Variants in LOC128462377 observed in about 807,000 individuals in gnomAD.
chr16:89,322,901 C>A, the LOC128462377 span, among the ~76,000 whole-genome samples: 1 of 152,182 alleles, frequency 6.6e-6, no homozygotes, highest in Non-Finnish European at 1.5e-5. Flanking sequence ...TGGAGTGCAG[C>A]GGTGTGATCA....
the LOC128462377 span, among the ~76,000 whole-genome samples, chr16:89,402,474 G>A: frequency 6.6e-6 from 1 of 152,006 alleles, no homozygotes; most frequent in Non-Finnish European, 1.5e-5. Context: ...GACTCCAAGA[G>A]TTCAAGAGCA....
At chr16:89,330,109 TTGAA>T in the LOC128462377 span, among the ~76,000 whole-genome samples, 1 of 152,238 alleles carries the variant, frequency 6.6e-6, no homozygotes, top group Non-Finnish European at 1.5e-5. Context: ...TTAAATATAC[TTGAA>T]TGACATTAAA....
the LOC128462377 span, among the ~76,000 whole-genome samples, chr16:89,367,907 G>A: frequency 6.6e-6 from 1 of 152,128 alleles, no homozygotes; most frequent in Admixed American, 6.5e-5. Flanking sequence ...CAGAGGCTGA[G>A]GTGGGAGGAT....
the LOC128462377 span, among the ~76,000 whole-genome samples, chr16:89,382,231 G>A: frequency 6.6e-6 from 1 of 152,142 alleles, no homozygotes; most frequent in Non-Finnish European, 1.5e-5. Context: ...CAGGGCAGGA[G>A]TGACCCAAGC....
the LOC128462377 span, among the ~76,000 whole-genome samples, chr16:89,318,194 C>T: frequency 2.6e-5 from 4 of 152,172 alleles, no homozygotes; most frequent in African/African-American, 7.2e-5. Flanking sequence ...TCTTCTGTGG[C>T]GATGCCAACT....
At chr16:89,381,017 G>A in the LOC128462377 span, among the ~76,000 whole-genome samples, 2 of 152,054 alleles carry the variant, frequency 1.3e-5, no homozygotes, top group African/African-American at 2.4e-5. Flanking sequence ...GTAAACAATC[G>A]ATCCAAAAAG....
the LOC128462377 span, among the ~76,000 whole-genome samples, chr16:89,415,450 G>C: frequency 6.7e-6 from 1 of 150,000 alleles, no homozygotes; most frequent in Admixed American, 6.6e-5. Context: ...ATTTTTAGTA[G>C]AGACGGGGTT....
the LOC128462377 span, among the ~76,000 whole-genome samples, chr16:89,366,785 G>A: frequency 6.6e-6 from 1 of 152,164 alleles, no homozygotes; most frequent in Non-Finnish European, 1.5e-5. Context: ...TCCCACTTCC[G>A]GGGGCACCCA....
At chr16:89,381,414 A>G in the LOC128462377 span, among the ~76,000 whole-genome samples, 2 of 151,882 alleles carry the variant, frequency 1.3e-5, no homozygotes, top group African/African-American at 4.8e-5. Context: ...AGAAACTCCC[A>G]GACACCAACA....
the LOC128462377 span, among the ~76,000 whole-genome samples, chr16:89,350,639 T>C: frequency 1.3e-5 from 2 of 152,182 alleles, no homozygotes; most frequent in African/African-American, 4.8e-5. Context: ...GTCCAGGAAA[T>C]AGGATGACAT....
the LOC128462377 span, among the ~76,000 whole-genome samples, chr16:89,402,211 C>A: frequency 6.6e-6 from 1 of 152,156 alleles, no homozygotes; most frequent in African/African-American, 2.4e-5. Flanking sequence ...GCCCTTCCAA[C>A]AAAGGCAGGC....
chr16:89,361,470 C>G, the LOC128462377 span: 1 of 152,276 alleles, frequency 6.6e-6, no homozygotes, highest in Admixed American at 6.5e-5. Flanking sequence ...TTGTGCCAGT[C>G]CACCTGTTTA....
chr16:89,364,231 C>G, the LOC128462377 span, among the ~76,000 whole-genome samples: 1 of 152,232 alleles, frequency 6.6e-6, no homozygotes, highest in Non-Finnish European at 1.5e-5. Context: ...TGGGGGCCCA[C>G]ACAGACTGAA....
the LOC128462377 span, among the ~76,000 whole-genome samples, chr16:89,399,523 G>A: frequency 6.6e-6 from 1 of 152,190 alleles, no homozygotes; most frequent in African/African-American, 2.4e-5. Flanking sequence ...ACGGAGGGAT[G>A]TGCAGCAGGA....
the LOC128462377 span, among the ~76,000 whole-genome samples, chr16:89,339,272 G>C: frequency 6.6e-6 from 1 of 152,256 alleles, no homozygotes; most frequent in South Asian, 2.1e-4. Flanking sequence ...TTAGGCAATA[G>C]AACGACCTAG....
At chr16:89,400,957 C>T in the LOC128462377 span, among the ~76,000 whole-genome samples, 1 of 152,214 alleles carries the variant, frequency 6.6e-6, no homozygotes, top group Non-Finnish European at 1.5e-5. Context: ...AGACACATCC[C>T]CCGTCTGCCC....
At chr16:89,323,664 C>T in the LOC128462377 span, 3 of 314,744 alleles carry the variant, frequency 9.5e-6, no homozygotes, top group African/African-American at 4.6e-5. Context: ...TCCCGCACAC[C>T]GCCTGACAGT....
the LOC128462377 span, among the ~76,000 whole-genome samples, chr16:89,348,130 C>A: frequency 2.0e-5 from 3 of 152,036 alleles, no homozygotes; most frequent in Non-Finnish European, 2.9e-5. Context: ...TAGGGTTTCA[C>A]CATGTTGCCC....
At chr16:89,375,647 G>T in the LOC128462377 span, among the ~76,000 whole-genome samples, 2 of 151,918 alleles carry the variant, frequency 1.3e-5, no homozygotes, top group African/African-American at 4.8e-5. Context: ...AGAGACAGGG[G>T]TTTCACCATG....
Sources: allele counts gnomAD v4.1 joint callset (sites outside exome capture counted in the v4.1 genomes callset), GRCh38; gene constraint gnomAD v4.1.1; transcripts MANE v1.5.